Variants in FBN2 observed in about 807,000 individuals in gnomAD.
FBN2 encodes fibrillin-2.
Under a neutral mutation model 355.6 loss-of-function variants are expected in FBN2, and 105 were observed. That is an observed-to-expected ratio of 0.30 (90% CI 0.25 to 0.35). FBN2 has a LOEUF of 0.35. Ranked by LOEUF, FBN2 falls within the 10% of genes least tolerant of loss-of-function variation. FBN2 has a pLI of 1.00. For missense variants in FBN2, 3,280 were observed against 3,758.7 expected (o/e 0.87, Z 3.33); for synonymous variants, 1,350 against 1,301.2 (o/e 1.04, Z -0.81).
At chr5:128,531,175 T>A (rs1756691593) in intron 2 of FBN2, among the ~76,000 whole-genome samples, 1 of 152,068 alleles carries the variant, frequency 6.6e-6, no homozygotes, top group Non-Finnish European at 1.5e-5. Flanking sequence ...TATATATAAC[T>A]GTGATACATA....
chr5:128,373,560 C>G (rs971890929), intron 15 of FBN2, among the ~76,000 whole-genome samples: 1 of 152,134 alleles, frequency 6.6e-6, no homozygotes. Flanking sequence ...TGGTATCTCT[C>G]AAATATACTT....
At chr5:128,533,222 T>G (rs992747265) in intron 2 of FBN2, among the ~76,000 whole-genome samples, 3 of 152,154 alleles carry the variant, frequency 2.0e-5, no homozygotes, top group African/African-American at 7.2e-5. Flanking sequence ...TATTTCAAAG[T>G]TTCCTCCTCC....
intron 6 of FBN2, among the ~76,000 whole-genome samples, chr5:128,450,058 T>G (rs1164890509): frequency 6.6e-6 from 1 of 152,082 alleles, no homozygotes; most frequent in African/African-American, 2.4e-5. Context: ...CAGATAAAGC[T>G]GAAAACAGAA....
chr5:128,467,437 T>C (rs1754741665), intron 5 of FBN2, among the ~76,000 whole-genome samples: 1 of 152,134 alleles, frequency 6.6e-6, no homozygotes, highest in Admixed American at 6.5e-5. Context: ...AATTCAAGAA[T>C]TACTACCATG....
chr5:128,273,636 C>T (rs567660834), intron 61 of FBN2, among the ~76,000 whole-genome samples: 2 of 152,284 alleles, frequency 1.3e-5, no homozygotes, highest in Non-Finnish European at 2.9e-5. Context: ...TTCGTAATCA[C>T]AGAATTTTTG....
At chr5:128,397,459 A>T (rs1752678938) in intron 8 of FBN2, among the ~76,000 whole-genome samples, 1 of 152,214 alleles carries the variant, frequency 6.6e-6, no homozygotes, top group East Asian at 1.9e-4. Flanking sequence ...CAAAAAACAA[A>T]ACCATAGCCT....
At chr5:128,362,327 A>C (rs187929747) in intron 18 of FBN2, among the ~76,000 whole-genome samples, 1 of 152,238 alleles carries the variant, frequency 6.6e-6, no homozygotes, top group East Asian at 1.9e-4. Context: ...AAAGACATTC[A>C]TTAATCTTTT....
chr5:128,276,443 G>A (rs1043506754), intron 58 of FBN2, among the ~76,000 whole-genome samples: 5 of 152,182 alleles, frequency 3.3e-5, no homozygotes, highest in African/African-American at 1.2e-4. Flanking sequence ...TTTACAACCT[G>A]AGAATCATAA....
rs1466025565 is a variant in FBN2, at chr5:128,479,937, T to C, written c.629-15016A>G. Among the ~76,000 whole-genome samples the C allele has an allele frequency of 1.4e-4, 5 of 36,092 alleles. No homozygotes were observed. The Admixed American group carries it at 2.3e-3, about 16-fold the overall frequency. The allele number at this position is 36,092 out of a possible 152,430, so 23.7% of individuals were successfully genotyped here. Reference sequence around the variant, plus strand: ...ACAAGACCTTGTCTCCTTGTCTCTCTCTCTCTCTCTCTCTCTCTCTCTCTC... The same window carrying C: ...ACAAGACCTTGTCTCCTTGTCTCTCCCTCTCTCTCTCTCTCTCTCTCTCTC... On this transcript the variant is annotated intron_variant, in intron 5 of 64. Transcript: ENST00000262464.
chr5:128,281,100 T>C (rs1239467691), intron 55 of FBN2, among the ~76,000 whole-genome samples: 1 of 152,186 alleles, frequency 6.6e-6, no homozygotes, highest in African/African-American at 2.4e-5. Context: ...TATTAGTATT[T>C]GCCTTGAATA....
At chr5:128,437,017 A>G (rs1429455141) in intron 7 of FBN2, among the ~76,000 whole-genome samples, 1 of 152,234 alleles carries the variant, frequency 6.6e-6, no homozygotes, top group Non-Finnish European at 1.5e-5. Flanking sequence ...CTGCTCACAC[A>G]GAGATCTCTC....
chr5:128,488,997 G>A (rs899274216), intron 5 of FBN2, among the ~76,000 whole-genome samples: 4 of 152,100 alleles, frequency 2.6e-5, no homozygotes, highest in African/African-American at 9.7e-5. Context: ...ATGATTTATA[G>A]TCCTTTGGGT....
chr5:128,433,344 A>G (rs1407461796), intron 7 of FBN2, among the ~76,000 whole-genome samples: 1 of 152,214 alleles, frequency 6.6e-6, no homozygotes, highest in Admixed American at 6.5e-5. Flanking sequence ...GCAGTACTAA[A>G]AGATAAATAA....
intron 36 of FBN2, 115 bp from the exon 37 acceptor site, chr5:128,312,910 T>A: frequency 8.8e-7 from 1 of 1,133,020 alleles, no homozygotes; most frequent in East Asian, 2.3e-5. Flanking sequence ...CATGAAAGGT[T>A]CCTTTTAATC....
chr5:128,262,481 A>G (rs1765000279), intron 63 of FBN2, among the ~76,000 whole-genome samples: 1 of 152,204 alleles, frequency 6.6e-6, no homozygotes, highest in African/African-American at 2.4e-5. Context: ...AGCATAATTA[A>G]CTCCAGAAGG....
intron 5 of FBN2, among the ~76,000 whole-genome samples, chr5:128,488,013 G>C (rs60324229): frequency 0.071 from 10,813 of 152,142 alleles, 415 homozygotes; most frequent in Non-Finnish European, 0.084. Context: ...AGTCATAGGA[G>C]TTATAAAAAT....
In FBN2 at chr5:128,349,366, C is replaced by G; in HGVS notation, c.2970G>C (p.Gly990=). The change falls in exon 23 of 65, where the codon GGG becomes GGC. Residue 990 remains glycine (G), a synonymous_variant. Coordinates refer to ENST00000262464, the MANE Select transcript of FBN2 (RefSeq NM_001999.4). ...CECPEGLTLD[G]TGRVCLDIRM... ...TCTTACCCAAACATACACGGCCAGT[C>G]CCATCCAACGTAAGGCCTTCAGGGC... 1 of 1,614,106 alleles carries G rather than the reference C, an allele frequency of 6.2e-7. No individual in the cohort carries two copies. The highest frequency in any genetic ancestry group is 1.1e-5 in the South Asian group (1 of 91,080).
At chr5:128,282,228 A>G (rs1373324669) in intron 55 of FBN2, among the ~76,000 whole-genome samples, 2 of 152,106 alleles carry the variant, frequency 1.3e-5, no homozygotes, top group African/African-American at 4.8e-5. Flanking sequence ...GTGTTTTGAA[A>G]TTCACCATGA....
At chr5:128,413,205 T>A (rs1753114716) in intron 7 of FBN2, among the ~76,000 whole-genome samples, 2 of 152,142 alleles carry the variant, frequency 1.3e-5, no homozygotes, top group Admixed American at 1.3e-4. Flanking sequence ...TCACCAAGTA[T>A]AAGGATTGCC....
Sources: gnomAD v4.1 joint callset for allele counts (sites outside exome capture counted in the v4.1 genomes callset) on GRCh38, gnomAD v4.1.1 for gene constraint, MANE v1.5 for transcripts, NCBI Gene and HGNC (gene_info 2026-07-23, HGNC 2026-07-21) for gene names.